MAGI2: variants seen among roughly 807,000 people sequenced by gnomAD.
MAGI2 encodes membrane-associated guanylate kinase, WW and PDZ domain-containing protein 2.
A neutral mutation model predicts 133.3 loss-of-function variants in MAGI2; 35 were observed. The observed-to-expected ratio is 0.26, with a 90% CI of 0.20 to 0.35. The LOEUF (loss-of-function observed/expected upper bound fraction) is 0.35, where lower values mean the gene tolerates loss of function less well. Ranked by LOEUF, MAGI2 falls within the 10% of genes least tolerant of loss-of-function variation. MAGI2 has a pLI of 1.00. For synonymous variants in MAGI2, 729 were observed against 710.6 expected (o/e 1.03, Z -0.41); for missense variants, 1,636 against 1,863.4 (o/e 0.88, Z 2.25).
At chr7:78,186,810 T>A (rs1355327198) in intron 12 of MAGI2, among the ~76,000 whole-genome samples, 1 of 152,182 alleles carries the variant, frequency 6.6e-6, no homozygotes, top group African/African-American at 2.4e-5. Context: ...CATTTTAGTA[T>A]TATTATGAAT....
At chr7:78,581,259 G>A (rs1802807621) in intron 3 of MAGI2, among the ~76,000 whole-genome samples, 1 of 152,150 alleles carries the variant, frequency 6.6e-6, no homozygotes, top group African/African-American at 2.4e-5. Flanking sequence ...AAGGGTGTCT[G>A]GCCTTCTTCA....
At chr7:78,881,395 A>C (rs1795824651) in intron 2 of MAGI2, among the ~76,000 whole-genome samples, 1 of 135,374 alleles carries the variant, frequency 7.4e-6, no homozygotes, top group Non-Finnish European at 1.5e-5. Context: ...ACTTGGACAC[A>C]GGAAGGGGAA....
At chr7:78,913,078 A>G (rs1389972783) in intron 2 of MAGI2, among the ~76,000 whole-genome samples, 1 of 152,066 alleles carries the variant, frequency 6.6e-6, no homozygotes, top group Non-Finnish European at 1.5e-5. Flanking sequence ...TGGAGTGCAC[A>G]GTGTTCAGGA....
At chr7:79,070,642 C>T (rs1488837472) in intron 1 of MAGI2, among the ~76,000 whole-genome samples, 2 of 151,766 alleles carry the variant, frequency 1.3e-5, no homozygotes, top group South Asian at 2.1e-4. Context: ...CAGGCGCCCA[C>T]CACCACACCC....
rs1263142965 is a variant in MAGI2 at position 78,529,667 on chromosome 7, GGTTTTTTTTTTTTTTT to G, written c.539-8038_539-8023del. On this transcript the variant is annotated intron_variant, in intron 3 of 21. Transcript: ENST00000354212. The stretch of plus-strand genomic sequence containing the variant: ...TTTTCTTTTCCTTGCTAAAGGAGAT[GGTTTTTTTTTTTTTTT>G]TTTTTTTTTTTTTTTTTGGGACATG... Among the ~76,000 whole-genome samples the G allele has an allele frequency of 3.6e-4, 20 of 56,336 alleles. No individual in the cohort carries two copies. In the East Asian group the frequency reaches 9.5e-3, roughly 27 times the overall value. The allele number at this position is 56,336 out of a possible 152,430, so 37.0% of individuals were successfully genotyped here. A position where few individuals can be genotyped will look rare whatever the true frequency, so the allele number is the denominator to read the frequency against.
rs1370868853 is a variant in MAGI2, at chr7:79,345,233, G to A, written c.301+107787C>T. Among the ~76,000 whole-genome samples, 2 of 151,928 alleles carry A rather than the reference G, an allele frequency of 1.3e-5. 1 individual carries two copies. Among genetic ancestry groups the A allele is most frequent in the Non-Finnish European group, 2.9e-5 (2 of 67,972 alleles). The stretch of plus-strand genomic sequence containing the variant: ...TGTCCTTATGAAAACGAGAAATGTG[G>A]GCACAGACACATATATCAGGCTAAC... On this transcript the variant is annotated intron_variant, in intron 1 of 21. Coordinates refer to ENST00000354212, the MANE Select transcript of MAGI2 (RefSeq NM_012301.4).
intron 2 of MAGI2, among the ~76,000 whole-genome samples, chr7:78,742,875 G>C (rs777898666): frequency 2.6e-5 from 4 of 152,114 alleles, no homozygotes; most frequent in Non-Finnish European, 5.9e-5. Flanking sequence ...AGTCTGATTG[G>C]GCTTCCCCAC....
chr7:79,247,035 A>C (rs546700474), intron 1 of MAGI2, among the ~76,000 whole-genome samples: 1 of 152,344 alleles, frequency 6.6e-6, no homozygotes, highest in East Asian at 1.9e-4. Flanking sequence ...CTTTTATTCT[A>C]GAATAAAATA....
chr7:79,326,808 G>A (rs1019663886), intron 1 of MAGI2, among the ~76,000 whole-genome samples: 2 of 152,104 alleles, frequency 1.3e-5, no homozygotes, highest in Non-Finnish European at 2.9e-5. Context: ...TGGGACAGAT[G>A]TTCAAGATCA....
At position 79,007,022 on chromosome 7, in the gene MAGI2, A is replaced by G. The variant is rs563251174; in HGVS notation, c.418+68T>C. On this transcript the variant is annotated intron_variant, in intron 2 of 21. Transcript: ENST00000354212. The stretch of plus-strand genomic sequence containing the variant: ...ATAAGTGCAATTTCACTTTCTTTTA[A>G]TCAATGAATATATAGCTAAACATTT... 52 of 1,147,634 alleles carry G rather than the reference A, an allele frequency of 4.5e-5. No individual in the cohort carries two copies. The Admixed American group carries it at 1.3e-3, about 28-fold the overall frequency. 71.1% of individuals were successfully genotyped at this position (1,147,634 alleles called of 1,614,324 possible).
intron 9 of MAGI2, among the ~76,000 whole-genome samples, chr7:78,319,893 C>T (rs57118062): frequency 0.17 from 25,518 of 151,598 alleles, 3,377 homozygotes; most frequent in African/African-American, 0.35. Flanking sequence ...CTAATAAAGA[C>T]GAAAAGAGAG....
chr7:79,307,762 GC>G (rs1837941093), intron 1 of MAGI2, among the ~76,000 whole-genome samples: 1 of 152,160 alleles, frequency 6.6e-6, no homozygotes, highest in Non-Finnish European at 1.5e-5. Flanking sequence ...AGATTTGAAA[GC>G]CAAAGTCTCT....
chr7:78,349,138 A>C (rs1349594247), intron 7 of MAGI2, among the ~76,000 whole-genome samples: 1 of 152,284 alleles, frequency 6.6e-6, no homozygotes, highest in South Asian at 2.1e-4. Flanking sequence ...TTAATGATTA[A>C]TTTTCATGCT....
chr7:78,250,918 G>A (rs1792318966), intron 10 of MAGI2, among the ~76,000 whole-genome samples: 1 of 151,950 alleles, frequency 6.6e-6, no homozygotes, highest in African/African-American at 2.4e-5. Flanking sequence ...ACCAAAGCCA[G>A]AGAAATATAT....
Position 78,368,474 on chromosome 7 carries a change from A to G in MAGI2, c.1103+682T>C, listed in dbSNP as rs372876991. Among the ~76,000 whole-genome samples the G allele has an allele frequency of 7.9e-4, 121 of 152,320 alleles. 2 individuals are homozygous for G. In the South Asian group the frequency reaches 0.024, roughly 30 times the overall value. On this transcript the variant is annotated intron_variant, in intron 7 of 21. Transcript: ENST00000354212. ...AACATTATACGATAGATAAGAATGA[A>G]AAACAATCGTCTGTTTGGAGAGAGT...
intron 9 of MAGI2, among the ~76,000 whole-genome samples, chr7:78,272,132 G>GGTGCAT (rs1373523770): frequency 6.6e-5 from 10 of 152,134 alleles, no homozygotes; most frequent in Non-Finnish European, 1.2e-4. Flanking sequence ...CAGAGATTCT[G>GGTGCAT]GTGCATCGTG....
chr7:78,021,884 A>G (rs1584858134), intron 21 of MAGI2, among the ~76,000 whole-genome samples: 1 of 152,228 alleles, frequency 6.6e-6, no homozygotes, highest in Admixed American at 6.5e-5. Flanking sequence ...TACACTTTCT[A>G]AGGGAAAGCA....
chr7:78,367,698 T>C (rs950150541), intron 7 of MAGI2, among the ~76,000 whole-genome samples: 5 of 152,228 alleles, frequency 3.3e-5, no homozygotes, highest in Non-Finnish European at 7.3e-5. Context: ...CACTCAGTTC[T>C]CTTTCCTTAC....
chr7:78,841,913 C>T (rs924817424), intron 2 of MAGI2, among the ~76,000 whole-genome samples: 6 of 151,904 alleles, frequency 3.9e-5, no homozygotes, highest in African/African-American at 1.4e-4. Context: ...AGCCCTGCAC[C>T]TCACCTATGG....
Sources: allele counts gnomAD v4.1 joint callset (sites outside exome capture counted in the v4.1 genomes callset), GRCh38; gene constraint gnomAD v4.1.1; transcripts MANE v1.5; gene names NCBI Gene and HGNC (gene_info 2026-07-23, HGNC 2026-07-21).